Variants in TIMD4 observed in about 807,000 individuals in gnomAD.
The protein encoded by TIMD4 is T cell immunoglobulin and mucin domain containing 4, also known as T-cell immunoglobulin and mucin domain-containing protein 4.
A neutral mutation model predicts 41.2 loss-of-function variants in TIMD4; 31 were observed. The observed-to-expected ratio is 0.75, with a 90% CI of 0.57 to 1.01. The LOEUF (loss-of-function observed/expected upper bound fraction) is 1.01. TIMD4 is among the 50% of genes least tolerant of loss of function. The probability of loss-of-function intolerance (pLI) is 0.00; values close to 1 mark genes in which losing one functional copy is unlikely to be tolerated. For missense variants in TIMD4, 479 were observed against 472.5 expected (o/e 1.01, Z -0.13); for synonymous variants, 204 against 177.1 (o/e 1.15, Z -1.21).
intron 5 of TIMD4, among the ~76,000 whole-genome samples, chr5:156,946,605 T>C (rs1273352791): frequency 6.6e-6 from 1 of 151,650 alleles, no homozygotes; most frequent in African/African-American, 2.4e-5. Flanking sequence ...GCCTCTCGAG[T>C]AGCTAGGACT....
chr5:156,929,066 G>A (rs1759401369), intron 5 of TIMD4, among the ~76,000 whole-genome samples: 1 of 152,156 alleles, frequency 6.6e-6, no homozygotes, highest in Non-Finnish European at 1.5e-5. Flanking sequence ...TTCTGAAGAT[G>A]CTAAAAGCCC....
intron 1 of TIMD4, among the ~76,000 whole-genome samples, chr5:156,959,248 A>T (rs1760035837): frequency 6.6e-6 from 1 of 152,196 alleles, no homozygotes; most frequent in African/African-American, 2.4e-5. Flanking sequence ...TTAAGCTCAC[A>T]TTGTAAACCC....
intron 4 of TIMD4, among the ~76,000 whole-genome samples, chr5:156,949,072 C>T (rs993890304): frequency 6.6e-6 from 1 of 152,322 alleles, no homozygotes; most frequent in East Asian, 1.9e-4. Flanking sequence ...AACTGGGAGT[C>T]AACCCCAAGT....
intron 5 of TIMD4, among the ~76,000 whole-genome samples, chr5:156,945,040 G>A (rs762517190): frequency 2.4e-4 from 36 of 152,200 alleles, no homozygotes; most frequent in Non-Finnish European, 8.8e-5. Context: ...ATGAAAAAAT[G>A]GAGAGGGAAT....
chr5:156,919,604 A>C, intron 8 of TIMD4, 63 bp from the exon 9 acceptor site: 2 of 1,370,754 alleles, frequency 1.5e-6, no homozygotes, highest in Non-Finnish European at 2.1e-6. Flanking sequence ...AACAAAACAG[A>C]TGCTGCTAAG....
At chr5:156,940,564 C>G (rs568007614) in intron 5 of TIMD4, among the ~76,000 whole-genome samples, 2 of 151,066 alleles carry the variant, frequency 1.3e-5, no homozygotes, top group African/African-American at 2.4e-5. Context: ...GCCTCTGCCC[C>G]GCCGCCCCGT....
chr5:156,950,967 A>T (rs139045768), intron 3 of TIMD4, among the ~76,000 whole-genome samples: 12 of 151,708 alleles, frequency 7.9e-5, no homozygotes, highest in Non-Finnish European at 1.5e-4. Context: ...GAGAAACCAT[A>T]AAAAAAGAAA....
In TIMD4 at chr5:156,946,783, C is replaced by T. The variant is rs892366608; in HGVS notation, c.844+1633G>A. 3.3e-5 allele frequency among the ~76,000 whole-genome samples: 5 copies of T among 151,950 alleles called. No homozygotes were observed. In the East Asian group the frequency reaches 9.7e-4, roughly 29 times the overall value. ...TATAGGCATGAGCCACCGCGCCTGG[C>T]CTCTTCTGAATTTTTGAGAGTGATG... On this transcript the variant is annotated intron_variant, in intron 5 of 8. Transcript: ENST00000274532.
rs1251519038 is a variant in TIMD4 at position 156,948,374 on chromosome 5, T to C, written c.844+42A>G. The C allele has an allele frequency of 3.6e-6, 4 of 1,124,836 alleles. No homozygotes were observed. The South Asian group carries it at 1.3e-4, about 37-fold the overall frequency. 69.7% of individuals were successfully genotyped at this position (1,124,836 alleles called of 1,614,324 possible). A position where few individuals can be genotyped will look rare whatever the true frequency, so the allele number is the denominator to read the frequency against. ...GTCTAAAAAAAATAATAATAATAAT[T>C]AATAAAGTAAAATAAAATAAAAAAA... On this transcript the variant is annotated intron_variant, in intron 5 of 8. Coordinates refer to ENST00000274532, the MANE Select transcript of TIMD4 (RefSeq NM_138379.3).
chr5:156,953,733 T>TAGGAATAGAGCCCA lies in TIMD4; in HGVS notation c.400+668_400+681dup, dbSNP rs1278835083. Among the ~76,000 whole-genome samples the TAGGAATAGAGCCCA allele has an allele frequency of 2.6e-5, 4 of 151,266 alleles. No individual in the cohort carries two copies. In the South Asian group the frequency reaches 8.4e-4, roughly 32 times the overall value. On this transcript the variant is annotated intron_variant, in intron 2 of 8. Transcript: ENST00000274532. The stretch of plus-strand genomic sequence containing the variant: ...CTGTCTTCCAAAGTGCCCATCCAGT[T>TAGGAATAGAGCCCA]AGGAATAGAGCCCAAGGATCCTCCA...
intron 1 of TIMD4, among the ~76,000 whole-genome samples, chr5:156,960,425 C>T (rs4407617): frequency 7.1e-3 from 936 of 131,236 alleles, no homozygotes; most frequent in East Asian, 0.01. Flanking sequence ...TTTTTTTTTT[C>T]AGAAAGAGTC....
At chr5:156,940,714 C>T (rs890606993) in intron 5 of TIMD4, among the ~76,000 whole-genome samples, 19 of 151,904 alleles carry the variant, frequency 1.3e-4, no homozygotes, top group African/African-American at 3.1e-4. Context: ...CCCCTCCGCC[C>T]GGCAGCCGCC....
intron 3 of TIMD4, 23 bp downstream of exon 3, chr5:156,951,489 A>G: frequency 6.2e-7 from 1 of 1,613,148 alleles, no homozygotes; most frequent in Non-Finnish European, 8.5e-7. Flanking sequence ...CTGTTCTAAG[A>G]AACCCAAGAT....
intron 1 of TIMD4, among the ~76,000 whole-genome samples, chr5:156,960,436 TCACTCTGTC>T (rs1760058552): frequency 6.9e-6 from 1 of 144,102 alleles, no homozygotes; most frequent in African/African-American, 2.6e-5. Context: ...AGAAAGAGTC[TCACTCTGTC>T]ACCCAGGCTG....
chr5:156,937,332 C>T (rs1027234942), intron 5 of TIMD4, among the ~76,000 whole-genome samples: 4 of 152,158 alleles, frequency 2.6e-5, no homozygotes. Context: ...GTAGATCTTA[C>T]CAAAGGGCGT....
chr5:156,961,180 G>T (rs1185087601), intron 1 of TIMD4, among the ~76,000 whole-genome samples: 1 of 152,176 alleles, frequency 6.6e-6, no homozygotes, highest in Non-Finnish European at 1.5e-5. Flanking sequence ...CCACAATGAG[G>T]TATCACTTCA....
chr5:156,951,040 A>C (rs1460733596), intron 3 of TIMD4, among the ~76,000 whole-genome samples: 1 of 151,466 alleles, frequency 6.6e-6, no homozygotes, highest in Non-Finnish European at 1.5e-5. Context: ...ACCCATGCCT[A>C]CTGTGAAGGA....
chr5:156,927,389 C>A (rs566655558), intron 5 of TIMD4, among the ~76,000 whole-genome samples: 1 of 152,278 alleles, frequency 6.6e-6, no homozygotes, highest in African/African-American at 2.4e-5. Context: ...AGCATGGTGC[C>A]CATGTCAGAT....
chr5:156,938,239 C>G (rs2113362960), intron 5 of TIMD4, among the ~76,000 whole-genome samples: 1 of 152,282 alleles, frequency 6.6e-6, no homozygotes, highest in Non-Finnish European at 1.5e-5. Context: ...CTCTGTGCCT[C>G]AATTTCCTTA....
Sources: allele counts gnomAD v4.1 joint callset (sites outside exome capture counted in the v4.1 genomes callset), GRCh38; gene constraint gnomAD v4.1.1; transcripts MANE v1.5; gene names NCBI Gene and HGNC (gene_info 2026-07-23, HGNC 2026-07-21).